The following ZFYVE26 variants were observed in gnomAD, a reference collection of about 807,000 sequenced individuals.
ZFYVE26 encodes zinc finger FYVE-type containing 26.
In ZFYVE26, 181 loss-of-function variants were observed where a neutral mutation model predicts 276.5. That is an observed-to-expected ratio of 0.65 (90% CI 0.58 to 0.74). ZFYVE26 has a LOEUF of 0.74. Among genes scored for constraint, ZFYVE26 ranks in the 30% least tolerant of loss-of-function variants. The probability of loss-of-function intolerance (pLI) is 0.00; values close to 1 mark genes in which losing one functional copy is unlikely to be tolerated. For synonymous variants in ZFYVE26, 1,129 were observed against 1,203.1 expected, an observed-to-expected ratio of 0.94 and a Z score of 1.27; for missense variants, 2,821 against 3,097.9, an observed-to-expected ratio of 0.91 and a Z score of 2.12.
intron 32 of ZFYVE26, among the ~76,000 whole-genome samples, chr14:67,764,814 G>T (rs148042839): frequency 2.9e-4 from 44 of 152,188 alleles, no homozygotes; most frequent in Admixed American, 7.2e-4. Flanking sequence ...TTAAAGTGAG[G>T]ACTTCCTTAC....
intron 12 of ZFYVE26, 99 bp from the exon 13 acceptor site, chr14:67,794,338 A>G: frequency 1.7e-6 from 2 of 1,165,148 alleles, no homozygotes; most frequent in Non-Finnish European, 2.6e-6. Context: ...GTAGTTAGAG[A>G]CAGAGGATAA....
chr14:67,782,717 A>C, intron 21 of ZFYVE26, 63 bp downstream of exon 21: 1 of 1,604,924 alleles, frequency 6.2e-7, no homozygotes, highest in East Asian at 2.2e-5. Flanking sequence ...AAATGTGATA[A>C]TATACCCAGT....
intron 28 of ZFYVE26, 34 bp downstream of exon 28, chr14:67,772,010 TCTC>T (rs2039222367): frequency 1.9e-6 from 3 of 1,605,074 alleles, no homozygotes; most frequent in South Asian, 2.2e-5. Flanking sequence ...TCCTTTACCT[TCTC>T]CTGAGGGTGA....
intron 35 of ZFYVE26, among the ~76,000 whole-genome samples, chr14:67,757,609 T>A (rs576152240): frequency 6.6e-6 from 1 of 152,290 alleles, no homozygotes; most frequent in African/African-American, 2.4e-5. Context: ...ATGTTTACTA[T>A]CTCTCTTCCT....
intron 10 of ZFYVE26, chr14:67,798,882 T>A: frequency 1.1e-6 from 1 of 886,042 alleles, no homozygotes; most frequent in South Asian, 1.7e-5. Context: ...CCCCAGCCTT[T>A]TGGCCACCAG....
chr14:67,784,305 T>C, intron 20 of ZFYVE26, 29 bp downstream of exon 20: 2 of 1,588,386 alleles, frequency 1.3e-6, no homozygotes, highest in South Asian at 1.1e-5. Context: ...CGAAGGCCCA[T>C]GGCTGACTTG....
chr14:67,783,212 G>T lies in ZFYVE26; in HGVS notation c.3940C>A (p.Leu1314Ile). Residue 1314 changes from leucine (L) to isoleucine (I), a missense_variant, in exon 21 of 42, where the codon CTC becomes ATC. Leu to Ile is a conservative substitution (Grantham distance 5, BLOSUM62 2). Coordinates refer to ENST00000347230, the MANE Select transcript of ZFYVE26 (RefSeq NM_015346.4). ...CCCAGGCAGGCCACCGTAGCTAGGA[G>T]CTTTGAGCGTGACTTAAGAAAGGCC... ...ALAFLKSRSK[L>I]LATVACLGAS... The T allele has an allele frequency of 6.2e-7, 1 of 1,613,522 alleles. No homozygotes were observed. Among genetic ancestry groups the T allele is most frequent in the Non-Finnish European group, 8.5e-7 (1 of 1,179,548 alleles).
chr14:67,742,045 G>T (rs1416185660), downstream of ZFYVE26, among the ~76,000 whole-genome samples: 4 of 152,190 alleles, frequency 2.6e-5, no homozygotes, highest in African/African-American at 9.7e-5. Context: ...TATACCAAGA[G>T]TATGGCTGGA....
chr14:67,804,260 G>T lies in ZFYVE26; in HGVS notation c.1276C>A (p.Pro426Thr). The change falls in exon 9 of 42, where the codon CCC (proline) becomes ACC (threonine). Residue 426 changes from proline to threonine, a missense_variant. Transcript: ENST00000347230. ...TACAACAGATCTCTCTTTGGTATGG[G>T]GTTGCTGAATGGAAAAGTTGGGAGG... The part of the protein sequence containing the change: ...LEWCIQQSSN[P>T]IPKRDLLYHL... The T allele has an allele frequency of 6.2e-7, 1 of 1,614,172 alleles. No individual in the cohort carries two copies. The highest frequency in any genetic ancestry group is 2.2e-5 in the East Asian group (1 of 44,872).
chr14:67,810,429 T>C (rs1245823953), intron 3 of ZFYVE26, among the ~76,000 whole-genome samples: 1 of 152,242 alleles, frequency 6.6e-6, no homozygotes, highest in Non-Finnish European at 1.5e-5. Context: ...ACAGGTACTG[T>C]GTGCCATATT....
chr14:67,780,369 T>C (rs2039467288), intron 22 of ZFYVE26, 24 bp from the exon 23 acceptor site: 1 of 1,598,526 alleles, frequency 6.3e-7, no homozygotes, highest in East Asian at 2.3e-5. Flanking sequence ...AGAAAATCCG[T>C]CAAACCACAC....
At chr14:67,766,093 T>A in intron 32 of ZFYVE26, 134 bp downstream of exon 32, 2 of 902,568 alleles carry the variant, frequency 2.2e-6, no homozygotes, top group Non-Finnish European at 3.5e-6. Context: ...TTCATCAACA[T>A]TACACAGATG....
At chr14:67,790,970 C>G (rs538757341) in intron 14 of ZFYVE26, among the ~76,000 whole-genome samples, 197 bp from the exon 15 acceptor site, 1 of 152,146 alleles carries the variant, frequency 6.6e-6, no homozygotes, top group Non-Finnish European at 1.5e-5. Context: ...ACCACCAAAG[C>G]CTCAGTAGAA....
rs1174882204 is a variant in ZFYVE26, at chr14:67,755,068, A to T, written c.6969T>A (p.Thr2323=). The change falls in exon 37 of 42, where the codon ACT becomes ACA. Residue 2323 remains threonine (T), a synonymous_variant. Transcript: ENST00000347230. ...CCAGCTACCTTGACACATCAGCTGC[A>T]GTCATCTTCTTTCTGAAGAATGTGG... ...KKTTFFRKKM[T]AADVSRHMNT... is the part of the protein sequence containing the mutation. 1 of 1,613,922 alleles carries T rather than the reference A, an allele frequency of 6.2e-7. No individual in the cohort carries two copies. Among genetic ancestry groups the T allele is most frequent in the African/African-American group, 1.3e-5 (1 of 74,888 alleles).
chr14:67,809,846 G>A (rs1323807059), intron 3 of ZFYVE26, among the ~76,000 whole-genome samples: 1 of 142,332 alleles, frequency 7.0e-6, no homozygotes, highest in Admixed American at 7.3e-5. Context: ...GTGTAGTGGC[G>A]CAATCTCAGC....
At chr14:67,804,328 A>G (rs2040135649) in intron 8 of ZFYVE26, 64 bp from the exon 9 acceptor site, 4 of 1,571,342 alleles carry the variant, frequency 2.5e-6, no homozygotes, top group Admixed American at 1.7e-5. Context: ...AGAAAGATCA[A>G]TCTCCATTCC....
At chr14:67,793,911 A>G in intron 13 of ZFYVE26, 152 bp from the exon 14 acceptor site, 2 of 1,131,764 alleles carry the variant, frequency 1.8e-6, no homozygotes, top group Non-Finnish European at 2.6e-6. Flanking sequence ...AATGAAGGGC[A>G]AACCTATGCT....
Position 67,783,226 on chromosome 14 carries a change from T to G in ZFYVE26, c.3926A>C (p.Lys1309Thr), listed in dbSNP as rs1265505566. The change falls in exon 21 of 42, where the codon AAG becomes ACG. Residue 1309 changes from lysine (K) to threonine (T), a missense_variant. By Grantham distance (78) the Lys-to-Thr change is moderately conservative. Coordinates refer to ENST00000347230, the MANE Select transcript of ZFYVE26 (RefSeq NM_015346.4). ...ALTSSALAFL[K>T]SRSKLLATVA... Reference sequence around the variant, plus strand: ...CGTAGCTAGGAGCTTTGAGCGTGACTTAAGAAAGGCCAAGGCAGAGGAGGT... The same window carrying G: ...CGTAGCTAGGAGCTTTGAGCGTGACGTAAGAAAGGCCAAGGCAGAGGAGGT... The G allele has an allele frequency of 6.2e-7, 1 of 1,613,684 alleles. No individual in the cohort carries two copies. Among genetic ancestry groups the G allele is most frequent in the Non-Finnish European group, 8.5e-7 (1 of 1,179,754 alleles).
At chr14:67,785,433 T>C (rs547675820) in intron 18 of ZFYVE26, among the ~76,000 whole-genome samples, 156 bp from the exon 19 acceptor site, 1 of 152,328 alleles carries the variant, frequency 6.6e-6, no homozygotes, top group Non-Finnish European at 1.5e-5. Flanking sequence ...TATAAAATCC[T>C]AAGTCAGTCA....
Sources: gnomAD v4.1 joint callset for allele counts (sites outside exome capture counted in the v4.1 genomes callset) on GRCh38, gnomAD v4.1.1 for gene constraint, MANE v1.5 for transcripts, NCBI Gene and HGNC (gene_info 2026-07-23, HGNC 2026-07-21) for gene names.